The following MEIS1 variants were observed in gnomAD, a reference collection of about 807,000 sequenced individuals.
The protein encoded by MEIS1 is Meis homeobox 1.
A neutral mutation model predicts 50.8 loss-of-function variants in MEIS1; 5 were observed. That is an observed-to-expected ratio of 0.10 (90% CI 0.05 to 0.21). The LOEUF (loss-of-function observed/expected upper bound fraction) is 0.21, where lower values mean the gene tolerates loss of function less well. MEIS1 is among the 10% of genes least tolerant of loss of function. The probability of loss-of-function intolerance (pLI) is 1.00; values close to 1 mark genes in which losing one functional copy is unlikely to be tolerated. For missense variants in MEIS1, 318 were observed against 517.3 expected, an observed-to-expected ratio of 0.61 and a Z score of 3.74; for synonymous variants, 176 against 179.3, an observed-to-expected ratio of 0.98 and a Z score of 0.15.
At chr2:66,527,095 C>G (rs943290736) in intron 8 of MEIS1, among the ~76,000 whole-genome samples, 2 of 152,186 alleles carry the variant, frequency 1.3e-5, no homozygotes, top group Non-Finnish European at 2.9e-5. Context: ...CATGAAATAG[C>G]ATACGTTTGA....
chr2:66,510,134 TGTTGA>T (rs1673790558), intron 7 of MEIS1, among the ~76,000 whole-genome samples: 1 of 152,228 alleles, frequency 6.6e-6, no homozygotes, highest in African/African-American at 2.4e-5. Context: ...ATTTAAATGC[TGTTGA>T]GTTGTTTTCT....
chr2:66,562,070 T>TTTTTTTTTC (rs1675230305), intron 9 of MEIS1: 1 of 127,160 alleles, frequency 7.9e-6, no homozygotes, highest in Non-Finnish European at 1.6e-5. Flanking sequence ...TTTTTTTTTT[T>TTTTTTTTTC]ACTTTTATCA....
At chr2:66,547,908 C>G in intron 8 of MEIS1, 35 bp from the exon 9 acceptor site, 2 of 1,605,832 alleles carry the variant, frequency 1.2e-6, no homozygotes, top group Non-Finnish European at 1.7e-6. Context: ...CTAAATATTG[C>G]CTGATGCACA....
chr2:66,476,463 G>A (rs1166908839), intron 7 of MEIS1, among the ~76,000 whole-genome samples: 1 of 152,188 alleles, frequency 6.6e-6, no homozygotes, highest in Non-Finnish European at 1.5e-5. Context: ...CTGCATACCG[G>A]TCCTCTGCTA....
chr2:66,478,779 G>C (rs768673855), intron 7 of MEIS1, among the ~76,000 whole-genome samples: 4 of 152,208 alleles, frequency 2.6e-5, no homozygotes, highest in Non-Finnish European at 5.9e-5. Context: ...CTGGGCTCAG[G>C]AACCTGGCTG....
In MEIS1 at chr2:66,439,654, C is replaced by T. The variant is rs780952039; in HGVS notation, c.240-189C>T. On this transcript the variant is annotated intron_variant, in intron 2 of 12. Coordinates refer to ENST00000272369, the MANE Select transcript of MEIS1 (RefSeq NM_002398.3). ...TGGCTCAGGGCCTCCGACTTCAGGG[C>T]TCCAGGAGGAAGGGGAGGTGAGCGG... is the stretch of plus-strand genomic sequence containing the variant. 51 of 1,538,290 alleles carry T rather than the reference C, an allele frequency of 3.3e-5. 1 individual carries two copies. The highest frequency in any genetic ancestry group is 9.6e-6 in the Non-Finnish European group (11 of 1,146,962).
At chr2:66,504,391 G>A (rs1052233249) in intron 7 of MEIS1, among the ~76,000 whole-genome samples, 11 of 151,898 alleles carry the variant, frequency 7.2e-5, no homozygotes, top group African/African-American at 1.2e-4. Flanking sequence ...GCATCACTGC[G>A]CCTGGCCAAT....
intron 8 of MEIS1, among the ~76,000 whole-genome samples, chr2:66,526,009 T>G (rs1345944016): frequency 6.6e-6 from 1 of 152,258 alleles, no homozygotes; most frequent in African/African-American, 2.4e-5. Flanking sequence ...ACTTCTTGCC[T>G]ACTTTATGTC....
intron 3 of MEIS1, 158 bp from the exon 4 acceptor site, chr2:66,440,404 C>T (rs1282160405): frequency 4.4e-6 from 3 of 679,004 alleles, no homozygotes; most frequent in Admixed American, 2.4e-5. Context: ...AATGTTTCTG[C>T]GCGGGACGAA....
chr2:66,564,204 TTTTG>T (rs1217658968), intron 9 of MEIS1, among the ~76,000 whole-genome samples: 6 of 152,276 alleles, frequency 3.9e-5, no homozygotes, highest in African/African-American at 1.4e-4. Flanking sequence ...TTTTCAGTGT[TTTTG>T]TTTATGTTTT....
At chr2:66,514,507 C>A (rs142250554) in intron 8 of MEIS1, among the ~76,000 whole-genome samples, 1 of 152,276 alleles carries the variant, frequency 6.6e-6, no homozygotes, top group African/African-American at 2.4e-5. Flanking sequence ...GTTTTGAGGT[C>A]TTTGCTGGCC....
intron 6 of MEIS1, among the ~76,000 whole-genome samples, chr2:66,455,706 C>T (rs923411247): frequency 6.6e-6 from 1 of 152,108 alleles, no homozygotes; most frequent in Non-Finnish European, 1.5e-5. Context: ...AGCAGCCCAG[C>T]GCCTGAGTAT....
intron 8 of MEIS1, among the ~76,000 whole-genome samples, chr2:66,538,924 G>A (rs1481553563): frequency 6.6e-6 from 1 of 151,988 alleles, no homozygotes; most frequent in East Asian, 1.9e-4. Context: ...GTCTCACTCT[G>A]TCAACCAGGC....
intron 8 of MEIS1, among the ~76,000 whole-genome samples, chr2:66,518,212 GTA>G: frequency 6.6e-6 from 1 of 152,244 alleles, no homozygotes; most frequent in Admixed American, 6.5e-5. Context: ...ATTTATCCAG[GTA>G]TATAGCCCTT....
intron 7 of MEIS1, among the ~76,000 whole-genome samples, 165 bp from the exon 8 acceptor site, chr2:66,511,984 T>C (rs1226858336): frequency 6.6e-6 from 1 of 152,168 alleles, no homozygotes; most frequent in Non-Finnish European, 1.5e-5. Flanking sequence ...CTAGGCCTTG[T>C]TCTTTCTCTG....
At chr2:66,530,533 T>C (rs1674364922) in intron 8 of MEIS1, among the ~76,000 whole-genome samples, 1 of 151,912 alleles carries the variant, frequency 6.6e-6, no homozygotes, top group African/African-American at 2.4e-5. Flanking sequence ...GCTAACACGG[T>C]GAAACCCCGT....
At chr2:66,569,297 G>A in intron 12 of MEIS1, 152 bp downstream of exon 12, 1 of 633,304 alleles carries the variant, frequency 1.6e-6, no homozygotes, top group South Asian at 2.0e-5. Flanking sequence ...CTTTTTGGTT[G>A]TGATCAAGCT....
chr2:66,450,964 A>G (rs1672264325), intron 6 of MEIS1, among the ~76,000 whole-genome samples: 1 of 152,048 alleles, frequency 6.6e-6, no homozygotes, highest in East Asian at 1.9e-4. Context: ...TGAGATTTGA[A>G]CTTGAGCTAG....
chr2:66,516,601 G>A (rs1673976339), intron 8 of MEIS1, among the ~76,000 whole-genome samples: 1 of 152,054 alleles, frequency 6.6e-6, no homozygotes, highest in African/African-American at 2.4e-5. Context: ...GTGTGTGTGT[G>A]TGTGCGGCCA....
Sources: gnomAD v4.1 joint callset for allele counts (sites outside exome capture counted in the v4.1 genomes callset) on GRCh38, gnomAD v4.1.1 for gene constraint, MANE v1.5 for transcripts, NCBI Gene and HGNC (gene_info 2026-07-23, HGNC 2026-07-21) for gene names.